The following SPON2 variants were observed in gnomAD, a reference collection of about 807,000 sequenced individuals.
SPON2 encodes the protein spondin 2.
A neutral mutation model predicts 29.9 loss-of-function variants in SPON2; 32 were observed. The observed-to-expected ratio is 1.07, with a 90% CI of 0.81 to 1.44. SPON2 has a LOEUF of 1.44. Ranked by LOEUF, SPON2 falls within the 40% of genes most tolerant of loss-of-function variation. The probability of loss-of-function intolerance (pLI) is 0.00; values close to 1 mark genes in which losing one functional copy is unlikely to be tolerated. For missense variants in SPON2, 541 were observed against 455.5 expected, an observed-to-expected ratio of 1.19 and a Z score of -1.71; for synonymous variants, 248 against 209.1, an observed-to-expected ratio of 1.19 and a Z score of -1.61.
chr4:1,198,036 A>T (rs1356717828), upstream of SPON2, among the ~76,000 whole-genome samples: 3 of 124,882 alleles, frequency 2.4e-5, no homozygotes, highest in African/African-American at 8.9e-5. Flanking sequence ...TGATAAAGTG[A>T]GACTCTGTTT....
rs11538061 is a variant in SPON2, at chr4:1,167,505, T to C, written c.963A>G (p.Glu321=). The change falls in exon 6 of 6, where the codon GAA becomes GAG. Residue 321 remains glutamate (E), a synonymous_variant. Transcript: ENST00000290902. ...NNGSPCPELE[E]EAECVPDNCV is the part of the protein sequence containing the mutation. ...AGTTATCAGGGACGCACTCAGCCTC[T>C]TCTTCGAGCTCGGGGCAGGGGCTCC... 5.3e-4 allele frequency: 850 copies of C among 1,613,690 alleles called. 7 individuals are homozygous for C. In the African/African-American group the frequency reaches 9.4e-3, roughly 18 times the overall value.
At chr4:1,172,473 G>C (rs1727490558) in intron 1 of SPON2, 71 bp downstream of exon 1, 1 of 267,524 alleles carries the variant, frequency 3.7e-6, no homozygotes, top group Non-Finnish European at 7.2e-6. Flanking sequence ...GTGCCACAAG[G>C]TTCTGGGCCG....
upstream of SPON2, among the ~76,000 whole-genome samples, chr4:1,173,971 C>T (rs1727537460): frequency 6.6e-6 from 1 of 152,120 alleles, no homozygotes; most frequent in Non-Finnish European, 1.5e-5. Context: ...GAGGCCGAGG[C>T]GGGAGGATCA....
chr4:1,191,153 G>A (rs776295616), intron 1 of SPON2, among the ~76,000 whole-genome samples: 1 of 149,632 alleles, frequency 6.7e-6, no homozygotes, highest in African/African-American at 2.5e-5. Flanking sequence ...GCCTCAGATT[G>A]CCAAAACTAC....
At chr4:1,177,562 T>C (rs973050345), upstream of SPON2, among the ~76,000 whole-genome samples, 12 of 152,038 alleles carry the variant, frequency 7.9e-5, no homozygotes, top group African/African-American at 2.9e-4. Flanking sequence ...GAGCCTCCCC[T>C]AACTGCCACC....
Position 1,167,509 on chromosome 4 carries a change from T to C in SPON2, c.959A>G (p.Glu320Gly). ...ATCAGGGACGCACTCAGCCTCTTCTTCGAGCTCGGGGCAGGGGCTCCCGTT... is the reference window on the plus strand; with the variant it reads ...ATCAGGGACGCACTCAGCCTCTTCTCCGAGCTCGGGGCAGGGGCTCCCGTT... ...ANNGSPCPEL[E>G]EEAECVPDNC... Residue 320 changes from glutamate to glycine, a missense_variant, in exon 6 of 6, where the codon GAA becomes GGA. Transcript: ENST00000290902. The C allele has an allele frequency of 6.2e-7, 1 of 1,613,780 alleles. No homozygotes were observed. The highest frequency in any genetic ancestry group is 8.5e-7 in the Non-Finnish European group (1 of 1,179,970).
chr4:1,170,820 G>C, intron 4 of SPON2, 179 bp downstream of exon 4: 2 of 1,010,544 alleles, frequency 2.0e-6, no homozygotes, highest in Non-Finnish European at 3.0e-6. Flanking sequence ...ACCCCGGGTT[G>C]GGAGAGTATG....
At chr4:1,188,575 C>G (rs1255355174) in intron 1 of SPON2, among the ~76,000 whole-genome samples, 1 of 152,158 alleles carries the variant, frequency 6.6e-6, no homozygotes, top group East Asian at 1.9e-4. Flanking sequence ...GTTGTTAAAA[C>G]AGACAAGGAT....
At chr4:1,171,809 G>C (rs1294489056) in intron 2 of SPON2, 43 bp downstream of exon 2, 2 of 1,431,778 alleles carry the variant, frequency 1.4e-6, no homozygotes. Context: ...CGGCGCCGCA[G>C]CCCTCCTGGT....
At chr4:1,206,873 TGAGCAGGTGA>T (rs1728354004) in intron 1 of SPON2, among the ~76,000 whole-genome samples, 1 of 148,844 alleles carries the variant, frequency 6.7e-6, no homozygotes, top group Non-Finnish European at 1.5e-5. Context: ...TGAGCAGGTG[TGAGCAGGTGA>T]GGGGATAGGT....
At chr4:1,201,830 A>G (rs184762911) in intron 1 of SPON2, among the ~76,000 whole-genome samples, 79 of 151,976 alleles carry the variant, frequency 5.2e-4, no homozygotes, top group African/African-American at 1.8e-3. Context: ...TGATCCAGCC[A>G]CCTCAGCCTC....
intron 5 of SPON2, among the ~76,000 whole-genome samples, chr4:1,168,547 A>G (rs1727321082): frequency 6.6e-6 from 1 of 152,228 alleles, no homozygotes; most frequent in Admixed American, 6.5e-5. Context: ...CAGGGCTTGC[A>G]AAGACCTTGG....
chr4:1,167,310 C>T lies in SPON2; in HGVS notation c.*162G>A. ...GCTGTTTCCCAATGCCCGTGCCGGC[C>T]ACCAGAGGGCCCTTCAGTGCAGAGA... On this transcript the variant is annotated 3_prime_UTR_variant, in exon 6 of 6. Coordinates refer to ENST00000290902, the MANE Select transcript of SPON2 (RefSeq NM_012445.4). The T allele has an allele frequency of 4.4e-6, 3 of 678,008 alleles. No individual in the cohort carries two copies. The highest frequency in any genetic ancestry group is 7.0e-6 in the Non-Finnish European group (3 of 425,908). 42.0% of individuals were successfully genotyped at this position (678,008 alleles called of 1,614,324 possible). A position where few individuals can be genotyped will look rare whatever the true frequency, so the allele number is the denominator to read the frequency against.
chr4:1,170,954 C>G, intron 4 of SPON2, 45 bp downstream of exon 4: 6 of 1,545,206 alleles, frequency 3.9e-6, no homozygotes, highest in Non-Finnish European at 5.2e-6. Context: ...CCGTCCCCAC[C>G]GCGGGGGCCA....
At position 1,167,470 on chromosome 4, in the gene SPON2, T is replaced by G. The variant is rs768525585; in HGVS notation, c.*2A>C. ...GGCCCCAGGGGCTGCGGGGCTCTGG[T>G]CTTAGACGCAGTTATCAGGGACGCA... is the stretch of plus-strand genomic sequence containing the variant. On this transcript the variant is annotated 3_prime_UTR_variant, in exon 6 of 6. Coordinates refer to ENST00000290902, the MANE Select transcript of SPON2 (RefSeq NM_012445.4). 8.7e-6 allele frequency: 14 copies of G among 1,611,998 alleles called. No homozygotes were observed. The highest frequency in any genetic ancestry group is 1.7e-5 in the Admixed American group (1 of 59,928).
At chr4:1,193,481 CTG>C (rs1727956620) in intron 1 of SPON2, among the ~76,000 whole-genome samples, 8 of 150,434 alleles carry the variant, frequency 5.3e-5, no homozygotes, top group African/African-American at 2.0e-4. Flanking sequence ...TGGGTGGGGA[CTG>C]AGTCCTTTCT....
chr4:1,172,075 C>T lies in SPON2; in HGVS notation c.-3-1G>A, dbSNP rs371842982. ...CGGCCGGGCTGGGGTTTTCCATCAC[C>T]TGGGAGCACAGAGGGGAGCAGCCGC... On this transcript the variant is annotated splice_acceptor_variant, in intron 1 of 5. Coordinates refer to ENST00000290902, the MANE Select transcript of SPON2 (RefSeq NM_012445.4). LOFTEE classifies it low-confidence loss of function (5UTR_SPLICE). The T allele has an allele frequency of 6.2e-7, 1 of 1,610,336 alleles. No homozygotes were observed. The highest frequency in any genetic ancestry group is 8.5e-7 in the Non-Finnish European group (1 of 1,179,354).
Position 1,192,043 on chromosome 4 carries a change from A to AC in SPON2, c.-239+2946dup, listed in dbSNP as rs1342332462. Among the ~76,000 whole-genome samples the AC allele has an allele frequency of 6.6e-5, 10 of 152,308 alleles. No homozygotes were observed. The East Asian group carries it at 1.9e-3, about 29-fold the overall frequency. On this transcript the variant is annotated intron_variant, in intron 1 of 3. Transcript: ENST00000502483. ...GGATGTGGGTGCCCCTCATCTCTCC[A>AC]CAGCAAGGAGGGGCCAGAGGAAGCC...
At chr4:1,194,179 C>T (rs1375768652) in intron 1 of SPON2, among the ~76,000 whole-genome samples, 1 of 152,142 alleles carries the variant, frequency 6.6e-6, no homozygotes, top group African/African-American at 2.4e-5. Context: ...CGGCCGGCCT[C>T]CCTCCACCCC....
Sources: gnomAD v4.1 joint callset for allele counts (sites outside exome capture counted in the v4.1 genomes callset) on GRCh38, gnomAD v4.1.1 for gene constraint, MANE v1.5 for transcripts, NCBI Gene and HGNC (gene_info 2026-07-23, HGNC 2026-07-21) for gene names.